The following DCDC2C variants were observed in gnomAD, a reference collection of about 807,000 sequenced individuals.
DCDC2C encodes the protein doublecortin domain containing 2C, also known as doublecortin domain-containing protein 2C.
Under a neutral mutation model 45.0 loss-of-function variants are expected in DCDC2C, and 44 were observed. That is an observed-to-expected ratio of 0.98 (90% CI 0.77 to 1.26). DCDC2C has a LOEUF of 1.26. Among genes scored for constraint, DCDC2C ranks in the 50% most tolerant of loss-of-function variants. DCDC2C has a pLI of 0.00. For missense variants in DCDC2C, 447 were observed against 468.9 expected, an observed-to-expected ratio of 0.95 and a Z score of 0.43; for synonymous variants, 187 against 178.8, an observed-to-expected ratio of 1.05 and a Z score of -0.37.
rs548331963 is a variant in DCDC2C, at chr2:3,712,223, C to T, written c.339+3623C>T. Among the ~76,000 whole-genome samples, 125 of 152,230 alleles carry T rather than the reference C, an allele frequency of 8.2e-4. 1 individual carries two copies. Among genetic ancestry groups the T allele is most frequent in the African/African-American group, 2.7e-3 (114 of 41,536 alleles). On this transcript the variant is annotated intron_variant, in intron 2 of 10. Coordinates refer to ENST00000399143, the MANE Select transcript of DCDC2C (RefSeq NM_001287444.2). ...CAGAGCTGTGTCCTGCTGCCCCACA[C>T]GAGAACACAGAGCTAATCAGTCACA...
intron 9 of DCDC2C, among the ~76,000 whole-genome samples, chr2:3,781,722 T>G (rs1468473567): frequency 3.9e-5 from 6 of 151,920 alleles, no homozygotes; most frequent in Non-Finnish European, 5.9e-5. Context: ...TAAAAAAAGG[T>G]AGCCAGGTGC....
chr2:3,803,791 A>C (rs7566217), intron 10 of DCDC2C, among the ~76,000 whole-genome samples: 107,693 of 152,002 alleles, frequency 0.71, 38,593 homozygotes, highest in East Asian at 0.91. Context: ...AGGTTCCTTC[A>C]AGTGCACCAC....
chr2:3,786,791 T>A (rs1465641956), intron 10 of DCDC2C, among the ~76,000 whole-genome samples: 6 of 152,296 alleles, frequency 3.9e-5, no homozygotes, highest in Non-Finnish European at 5.9e-5. Flanking sequence ...GCTTTTCCAC[T>A]AACTTGCTAG....
chr2:3,789,352 G>T (rs1670746017), intron 10 of DCDC2C, among the ~76,000 whole-genome samples: 1 of 152,100 alleles, frequency 6.6e-6, no homozygotes, highest in Admixed American at 6.5e-5. Flanking sequence ...TTGAAGAAAT[G>T]CCTTACAGTA....
intron 9 of DCDC2C, among the ~76,000 whole-genome samples, chr2:3,782,409 C>T (rs1411661561): frequency 6.6e-6 from 1 of 151,962 alleles, no homozygotes; most frequent in Non-Finnish European, 1.5e-5. Flanking sequence ...CGATATTGGG[C>T]ACTGTAATAA....
intron 10 of DCDC2C, among the ~76,000 whole-genome samples, chr2:3,788,198 G>A (rs181879957): frequency 1.3e-5 from 2 of 152,288 alleles, no homozygotes; most frequent in Admixed American, 1.3e-4. Flanking sequence ...AGATTTAAGA[G>A]AAGAAAAGTA....
chr2:3,813,039 G>GTATATATATATATATATATATATATATA (rs202152340), intron 10 of DCDC2C, among the ~76,000 whole-genome samples: 7 of 87,438 alleles, frequency 8.0e-5, no homozygotes, highest in East Asian at 3.2e-4. Context: ...TGAGAAGAAC[G>GTATATATATATATATATATATATATATA]TATATATATA....
chr2:3,725,518 TCCCAGAGGAAGAC>T (rs1668632108), intron 2 of DCDC2C, among the ~76,000 whole-genome samples: 3 of 82,702 alleles, frequency 3.6e-5, no homozygotes, highest in South Asian at 6.3e-4. Flanking sequence ...GCCCGGTGGA[TCCCAGAGGAAGAC>T]GAGCAGAGAG....
intron 4 of DCDC2C, among the ~76,000 whole-genome samples, chr2:3,746,018 G>A (rs1028313083): frequency 1.3e-5 from 2 of 152,088 alleles, no homozygotes; most frequent in African/African-American, 2.4e-5. Flanking sequence ...AAATACTTAA[G>A]TGAAATTCTG....
chr2:3,757,318 C>A (rs574874563), intron 6 of DCDC2C, among the ~76,000 whole-genome samples: 1 of 152,076 alleles, frequency 6.6e-6, no homozygotes, highest in African/African-American at 2.4e-5. Context: ...AAAATACAGG[C>A]GTGCTCTTCA....
intron 2 of DCDC2C, among the ~76,000 whole-genome samples, chr2:3,723,101 G>GTT (rs1668541638): frequency 6.6e-6 from 1 of 152,134 alleles, no homozygotes; most frequent in South Asian, 2.1e-4. Flanking sequence ...CATCAGAGCT[G>GTT]TTTTTCCCTA....
chr2:3,821,294 A>G (rs1465606727), intron 10 of DCDC2C, among the ~76,000 whole-genome samples: 2 of 152,204 alleles, frequency 1.3e-5, no homozygotes, highest in East Asian at 1.9e-4. Flanking sequence ...GTATATGTGC[A>G]GGTCACAGGG....
intron 10 of DCDC2C, among the ~76,000 whole-genome samples, chr2:3,836,621 C>T (rs56791854): frequency 3.9e-5 from 6 of 151,940 alleles, no homozygotes; most frequent in Non-Finnish European, 7.4e-5. Flanking sequence ...CCAGCACTTT[C>T]GGAGGCCGAG....
chr2:3,846,170 G>A lies in DCDC2C; in HGVS notation c.1066-984G>A, dbSNP rs114475338. 5.3e-3 allele frequency among the ~76,000 whole-genome samples: 789 copies of A among 149,124 alleles called. 10 individuals are homozygous for A. Among genetic ancestry groups the A allele is most frequent in the African/African-American group, 0.018 (740 of 40,394 alleles). ...CTCCTCCTCCTCCTACTTCTTCTTC[G>A]TCATCTTCTTCCTTCTTCTTTCTTC... is the stretch of plus-strand genomic sequence containing the variant. On this transcript the variant is annotated intron_variant, in intron 10 of 10. Coordinates refer to ENST00000399143, the MANE Select transcript of DCDC2C (RefSeq NM_001287444.2).
chr2:3,837,183 G>C (rs116344130), intron 10 of DCDC2C, among the ~76,000 whole-genome samples: 1,579 of 152,280 alleles, frequency 0.01, 33 homozygotes, highest in African/African-American at 0.035. Context: ...AATCTCTTAA[G>C]GGCCTCTTCA....
intron 4 of DCDC2C, among the ~76,000 whole-genome samples, chr2:3,744,575 C>T (rs1183093380): frequency 6.6e-6 from 1 of 152,154 alleles, no homozygotes; most frequent in African/African-American, 2.4e-5. Context: ...CCGCCGTGGG[C>T]AGTGATGGTC....
At chr2:3,832,118 T>C (rs1018932710) in intron 10 of DCDC2C, among the ~76,000 whole-genome samples, 2 of 152,214 alleles carry the variant, frequency 1.3e-5, no homozygotes, top group African/African-American at 4.8e-5. Flanking sequence ...CGTTGGATGG[T>C]TACTGTATGT....
chr2:3,705,610 A>C (rs1210431617), intron 1 of DCDC2C, among the ~76,000 whole-genome samples: 1 of 152,186 alleles, frequency 6.6e-6, no homozygotes. Context: ...GCAAATGAGG[A>C]AGGAAACGTA....
chr2:3,826,883 C>T (rs56698372), intron 10 of DCDC2C, among the ~76,000 whole-genome samples: 2,590 of 152,124 alleles, frequency 0.017, 72 homozygotes, highest in African/African-American at 0.058. Flanking sequence ...TGTGGCCTTC[C>T]TCCCTCCTTC....
Sources: gnomAD v4.1 joint callset for allele counts (sites outside exome capture counted in the v4.1 genomes callset) on GRCh38, gnomAD v4.1.1 for gene constraint, MANE v1.5 for transcripts, NCBI Gene and HGNC (gene_info 2026-07-23, HGNC 2026-07-21) for gene names.